ZNF496: variants seen among roughly 807,000 people sequenced by gnomAD.
The protein encoded by ZNF496 is NSD1 (nuclear receptor binding SET-domain containing 1)-interacting zinc finger protein 1.
Under a neutral mutation model 58.9 loss-of-function variants are expected in ZNF496, and 11 were observed. The observed-to-expected ratio is 0.19, with a 90% CI of 0.12 to 0.31. The LOEUF (loss-of-function observed/expected upper bound fraction) is 0.31. Among genes scored for constraint, ZNF496 ranks in the 10% least tolerant of loss-of-function variants. ZNF496 has a pLI of 1.00. For synonymous variants in ZNF496, 338 were observed against 318.2 expected (o/e 1.06, Z -0.66); for missense variants, 660 against 783.0 (o/e 0.84, Z 1.88).
chr1:247,308,709 G>T lies in ZNF496; in HGVS notation c.893-121C>A. On this transcript the variant is annotated intron_variant, in intron 8 of 9. Coordinates refer to ENST00000682384, the MANE Select transcript of ZNF496 (RefSeq NM_032752.3). This position sits in a 1 kb window ranked among gnomAD's most constrained non-coding sequence, Gnocchi z 4.5. ...GGGCGGCCCTGGGCTCCGTCCTGGG[G>T]ACTGGCAGGGGGTGGCCACTCAATA... 1.1e-6 allele frequency: 1 copy of T among 904,634 alleles called. No individual in the cohort carries two copies. The highest frequency in any genetic ancestry group is 1.7e-6 in the Non-Finnish European group (1 of 587,738). The allele number at this position is 904,634 out of a possible 1,614,324, so 56.0% of individuals were successfully genotyped here.
chr1:247,318,468 A>G (rs1659855379), intron 6 of ZNF496, among the ~76,000 whole-genome samples: 1 of 152,266 alleles, frequency 6.6e-6, no homozygotes, highest in Non-Finnish European at 1.5e-5. Context: ...AAGGCAAAGG[A>G]AGAAAAAAAT....
Position 247,310,497 on chromosome 1 carries a change from A to G in ZNF496, c.652-41T>C, listed in dbSNP as rs774916215. 7 of 1,611,462 alleles carry G rather than the reference A, an allele frequency of 4.3e-6. No homozygotes were observed. The Admixed American group carries it at 1.0e-4, about 23-fold the overall frequency. ...AACAGGGATGCCTCAGTCCGGGACGAGCTAGGTGTCTCAGTCTTAGTCCAC... is the reference window on the plus strand; with the variant it reads ...AACAGGGATGCCTCAGTCCGGGACGGGCTAGGTGTCTCAGTCTTAGTCCAC... On this transcript the variant is annotated intron_variant, in intron 6 of 9. Transcript: ENST00000682384.
intron 5 of ZNF496, among the ~76,000 whole-genome samples, chr1:247,325,084 G>A (rs987454105): frequency 6.6e-6 from 1 of 152,234 alleles, no homozygotes; most frequent in African/African-American, 2.4e-5. Context: ...CACATGTTAA[G>A]TCATTATCAA....
intron 9 of ZNF496, among the ~76,000 whole-genome samples, chr1:247,301,737 C>A (rs1659245708): frequency 6.6e-6 from 1 of 152,320 alleles, no homozygotes; most frequent in South Asian, 2.1e-4. Flanking sequence ...TGGGCACTTG[C>A]ATGCTCCAGG....
At chr1:247,318,782 A>T (rs1659865336) in intron 6 of ZNF496, among the ~76,000 whole-genome samples, 1 of 152,234 alleles carries the variant, frequency 6.6e-6, no homozygotes, top group South Asian at 2.1e-4. Context: ...ACATAAGAAG[A>T]AAGAAAACAG....
In ZNF496 at chr1:247,298,157, T is replaced by C. The variant is rs1034149520; in HGVS notation, c.*2362A>G. The C allele has an allele frequency of 2.0e-5, 3 of 152,180 alleles. No individual in the cohort carries two copies. Among genetic ancestry groups the C allele is most frequent in the African/African-American group, 7.2e-5 (3 of 41,442 alleles). 9.4% of individuals were successfully genotyped at this position (152,180 alleles called of 1,614,324 possible). The stretch of plus-strand genomic sequence containing the variant: ...CGGATTTCTCCCTTTTCCAGCTATG[T>C]TGATACAAGAGACAAACTATTTAGA... On this transcript the variant is annotated 3_prime_UTR_variant, in exon 10 of 10. Coordinates refer to ENST00000682384, the MANE Select transcript of ZNF496 (RefSeq NM_032752.3).
intron 6 of ZNF496, among the ~76,000 whole-genome samples, chr1:247,316,169 T>TGTGTGTGTGC: frequency 7.4e-6 from 1 of 134,782 alleles, no homozygotes; most frequent in Admixed American, 7.3e-5. Context: ...TGTGTGTGTG[T>TGTGTGTGTGC]GTGCACGACT....
At chr1:247,310,592 C>T (rs1659569441) in intron 6 of ZNF496, 136 bp from the exon 7 acceptor site, 1 of 1,160,566 alleles carries the variant, frequency 8.6e-7, no homozygotes, top group Non-Finnish European at 1.2e-6. Flanking sequence ...CCTCACAGTT[C>T]TGGAGGCTGG....
At chr1:247,303,122 A>G (rs1021021543) in intron 9 of ZNF496, among the ~76,000 whole-genome samples, 3 of 152,218 alleles carry the variant, frequency 2.0e-5, no homozygotes, top group East Asian at 1.9e-4. Context: ...AATTAAGTCA[A>G]AATGAAGTCA....
chr1:247,307,014 CA>C, intron 9 of ZNF496: 1 of 877,880 alleles, frequency 1.1e-6, no homozygotes. Flanking sequence ...AGTATGAGTG[CA>C]AAAATAAATA....
intron 5 of ZNF496, among the ~76,000 whole-genome samples, chr1:247,324,423 C>A (rs1309080284): frequency 2.0e-5 from 3 of 152,056 alleles, no homozygotes; most frequent in Non-Finnish European, 4.4e-5. Context: ...GCAGTAACAA[C>A]GTACTGTGTA....
Position 247,308,506 on chromosome 1 carries a change from T to C in ZNF496, c.975A>G (p.Pro325=). The C allele has an allele frequency of 6.2e-7, 1 of 1,614,170 alleles. No individual in the cohort carries two copies. Among genetic ancestry groups the C allele is most frequent in the Non-Finnish European group, 8.5e-7 (1 of 1,180,014 alleles). Residue 325 remains proline (P), a synonymous_variant, in exon 9 of 10, where the codon CCA becomes CCG. Coordinates refer to ENST00000682384, the MANE Select transcript of ZNF496 (RefSeq NM_032752.3). This position sits in a 1 kb window ranked among gnomAD's most constrained non-coding sequence, Gnocchi z 4.5. ...AGGTGTTTTGAGGCACCACCGTCTG[T>C]GGGCAGGCCTGGAACTCTGGCACCT... The part of the protein sequence containing the change: ...ELQVPEFQAC[P]QTVVPQNTYP...
chr1:247,329,851 G>A lies in ZNF496; in HGVS notation c.-38+115C>T, dbSNP rs1372795916. The A allele has an allele frequency of 7.7e-6, 3 of 391,572 alleles. No individual in the cohort carries two copies. Among genetic ancestry groups the A allele is most frequent in the Non-Finnish European group, 1.4e-5 (3 of 222,010 alleles). The allele number at this position is 391,572 out of a possible 1,614,324, so 24.3% of individuals were successfully genotyped here. A position where few individuals can be genotyped will look rare whatever the true frequency, so the allele number is the denominator to read the frequency against. On this transcript the variant is annotated intron_variant, in intron 3 of 9. Transcript: ENST00000682384. The surrounding 1 kb of genome is among the most constrained non-coding windows in gnomAD (Gnocchi z 5.5). ...ATTCCCGTTAAGTGGGTGACTGGAT[G>A]AACAAGACAGGAAATCTGGGAGAAA... is the stretch of plus-strand genomic sequence containing the variant.
Position 247,297,988 on chromosome 1 carries a change from G to A in ZNF496, c.*2531C>T, listed in dbSNP as rs1659133260. 1 of 152,204 alleles carries A rather than the reference G, an allele frequency of 6.6e-6. No individual in the cohort carries two copies. The highest frequency in any genetic ancestry group is 6.5e-5 in the Admixed American group (1 of 15,280). The allele number at this position is 152,204 out of a possible 1,614,324, so 9.4% of individuals were successfully genotyped here. A position where few individuals can be genotyped will look rare whatever the true frequency, so the allele number is the denominator to read the frequency against. ...TCTTCTCTTGAGTCAGACGTCTGAA[G>A]CAGGAAGGTGAATAACCTTCCCAAG... On this transcript the variant is annotated 3_prime_UTR_variant, in exon 10 of 10. Coordinates refer to ENST00000682384, the MANE Select transcript of ZNF496 (RefSeq NM_032752.3).
intron 9 of ZNF496, 104 bp from the exon 10 acceptor site, chr1:247,301,380 T>C: frequency 7.1e-7 from 1 of 1,414,316 alleles, no homozygotes; most frequent in African/African-American, 1.4e-5. Flanking sequence ...AAACCCGTGT[T>C]TTTACAATGG....
intron 9 of ZNF496, chr1:247,307,169 A>G (rs1198348808): frequency 1.0e-6 from 1 of 985,366 alleles, no homozygotes; most frequent in African/African-American, 1.7e-5. Context: ...GCATGGATAT[A>G]GAGAAGCAGA....
In ZNF496 at chr1:247,309,574, T is replaced by C. The variant is rs367793872; in HGVS notation, c.892+125A>G. 12 of 1,468,456 alleles carry C rather than the reference T, an allele frequency of 8.2e-6. No homozygotes were observed. The highest frequency in any genetic ancestry group is 4.9e-5 in the East Asian group (2 of 40,498). The allele number at this position is 1,468,456 out of a possible 1,614,324, so 91.0% of individuals were successfully genotyped here. On this transcript the variant is annotated intron_variant, in intron 8 of 9. Coordinates refer to ENST00000682384, the MANE Select transcript of ZNF496 (RefSeq NM_032752.3). This position sits in a 1 kb window ranked among gnomAD's most constrained non-coding sequence, Gnocchi z 4.3. ...CAAGGCAAGACATGCAAGACCCACA[T>C]AGAGTCTGGGGAAATGAAGAAGGCA...
intron 2 of ZNF496, among the ~76,000 whole-genome samples, chr1:247,330,752 T>C (rs2103036134): frequency 6.6e-6 from 1 of 152,342 alleles, no homozygotes; most frequent in Admixed American, 6.5e-5. Context: ...CTGCACGAGG[T>C]TGTCCAGCGT....
intron 6 of ZNF496, among the ~76,000 whole-genome samples, chr1:247,321,193 G>A (rs990792956): frequency 6.6e-6 from 1 of 152,058 alleles, no homozygotes; most frequent in Non-Finnish European, 1.5e-5. Flanking sequence ...AAAAAAACAC[G>A]GAAGGGAATT....
Sources: allele counts gnomAD v4.1 joint callset (sites outside exome capture counted in the v4.1 genomes callset), GRCh38; gene constraint gnomAD v4.1.1; non-coding constraint Gnocchi (gnomAD v3.1); transcripts MANE v1.5; gene names NCBI Gene and HGNC (gene_info 2026-07-23, HGNC 2026-07-21).